Variants in ANO1 observed in about 807,000 individuals in gnomAD.
ANO1 encodes the protein anoctamin-1.
A neutral mutation model predicts 124.0 loss-of-function variants in ANO1; 59 were observed. The observed-to-expected ratio is 0.48, with a 90% CI of 0.39 to 0.59. The LOEUF is 0.59. Ranked by LOEUF, ANO1 falls within the 20% of genes least tolerant of loss-of-function variation. ANO1 has a pLI of 0.00. For synonymous variants in ANO1, 529 were observed against 532.0 expected (o/e 0.99, Z 0.08); for missense variants, 1,059 against 1,328.0 (o/e 0.80, Z 3.15).
rs1214993626 is a variant in ANO1, at chr11:70,052,521, T to TTTTTC, written c.59-26011_59-26007dup. 1.2e-3 allele frequency among the ~76,000 whole-genome samples: 142 copies of TTTTTC among 122,404 alleles called. 1 individual carries two copies. Among genetic ancestry groups the TTTTTC allele is most frequent in the Non-Finnish European group, 1.7e-3 (96 of 56,102 alleles). The allele number at this position is 122,404 out of a possible 152,430, so 80.3% of individuals were successfully genotyped here. A position where few individuals can be genotyped will look rare whatever the true frequency, so the allele number is the denominator to read the frequency against. On this transcript the variant is annotated intron_variant, in intron 1 of 27. Coordinates refer to the ANO1 transcript ENST00000531349. ...TCAAGACCAATTTGGGGAGAATTTC[T>TTTTTC]TTTTCTTTTCTTTTTTTTTTTTTTT...
chr11:70,071,193 G>A (rs1291540135), intron 1 of ANO1, among the ~76,000 whole-genome samples: 4 of 152,222 alleles, frequency 2.6e-5, no homozygotes, highest in African/African-American at 7.2e-5. Flanking sequence ...GGAATGTGCT[G>A]TGATTGGCCT....
chr11:69,999,636 G>A (rs1466896054), intron 1 of ANO1, among the ~76,000 whole-genome samples: 3 of 152,110 alleles, frequency 2.0e-5, no homozygotes, highest in Admixed American at 6.6e-5. Context: ...TAACATAAAC[G>A]CCAGGGGAAA....
At chr11:70,117,214 G>C (rs1224166891) in intron 8 of ANO1, among the ~76,000 whole-genome samples, 1 of 147,116 alleles carries the variant, frequency 6.8e-6, no homozygotes. Context: ...TGGATTACAG[G>C]TGCCTGCCAG....
At chr11:69,997,818 GC>G (rs1856300795) in intron 1 of ANO1, among the ~76,000 whole-genome samples, 1 of 152,094 alleles carries the variant, frequency 6.6e-6, no homozygotes, top group African/African-American at 2.4e-5. Context: ...TCCTGCTCCT[GC>G]CTGTGAGACG....
Position 70,052,531 on chromosome 11 carries a change from C to CTTTTTTTTTTTTTTTTTT in ANO1, c.59-25990_59-25973dup, listed in dbSNP as rs200770702. ...TTTGGGGAGAATTTCTTTTTCTTTT[C>CTTTTTTTTTTTTTTTTTT]TTTTTTTTTTTTTTTTTTTTTTTTT... is the stretch of plus-strand genomic sequence containing the variant. On this transcript the variant is annotated intron_variant, in intron 1 of 27. Coordinates refer to the ANO1 transcript ENST00000531349. 2.4e-4 allele frequency among the ~76,000 whole-genome samples: 16 copies of CTTTTTTTTTTTTTTTTTT among 65,908 alleles called. 1 individual carries two copies. The highest frequency in any genetic ancestry group is 5.2e-4 in the East Asian group (2 of 3,864). 43.2% of individuals were successfully genotyped at this position (65,908 alleles called of 152,430 possible). A position where few individuals can be genotyped will look rare whatever the true frequency, so the allele number is the denominator to read the frequency against.
At chr11:70,074,165 C>T (rs1006727587), upstream of ANO1, among the ~76,000 whole-genome samples, 4 of 152,264 alleles carry the variant, frequency 2.6e-5, no homozygotes, top group South Asian at 2.1e-4. Context: ...GGGAGTGGGA[C>T]GGGTGGCCAT....
chr11:70,151,814 T>A (rs1261821378), intron 12 of ANO1, among the ~76,000 whole-genome samples: 1 of 152,186 alleles, frequency 6.6e-6, no homozygotes, highest in Non-Finnish European at 1.5e-5. Flanking sequence ...AGAAGGACAC[T>A]TGTCTCCTAT....
chr11:70,163,003 C>A (rs2048117458), intron 18 of ANO1, among the ~76,000 whole-genome samples: 1 of 152,390 alleles, frequency 6.6e-6, no homozygotes, highest in South Asian at 2.1e-4. Flanking sequence ...TTGCCTTAAT[C>A]CCCTCCTGGG....
chr11:70,163,165 G>A, intron 18 of ANO1, 118 bp from the exon 19 acceptor site: 1 of 1,062,870 alleles, frequency 9.4e-7, no homozygotes, highest in Non-Finnish European at 1.4e-6. Context: ...GCCGCCTGTA[G>A]ATACCCTCGA....
chr11:69,982,463 C>T (rs1554996340), upstream of ANO1, among the ~76,000 whole-genome samples: 1 of 152,224 alleles, frequency 6.6e-6, no homozygotes, highest in Non-Finnish European at 1.5e-5. Flanking sequence ...GGAGCAGCCT[C>T]CACCTGCATT....
intron 11 of ANO1, among the ~76,000 whole-genome samples, chr11:70,145,080 G>C (rs2047311121): frequency 1.3e-5 from 2 of 152,214 alleles, no homozygotes; most frequent in Admixed American, 1.3e-4. Context: ...GAACTCGTGT[G>C]GGTGAGGAGG....
intron 1 of ANO1, among the ~76,000 whole-genome samples, chr11:70,024,206 C>T (rs1033029966): frequency 7.2e-5 from 11 of 152,208 alleles, no homozygotes; most frequent in Admixed American, 7.2e-4. Flanking sequence ...CCAAGGCTAT[C>T]TCTGACGGTC....
chr11:70,113,246 C>T (rs1476106223), intron 7 of ANO1, among the ~76,000 whole-genome samples: 1 of 152,138 alleles, frequency 6.6e-6, no homozygotes, highest in Non-Finnish European at 1.5e-5. Context: ...TGCAAAGACA[C>T]CACCGTCTGA....
rs1286304254 is a variant in ANO1 at position 70,153,113 on chromosome 11, G to T, written c.1410G>T (p.Glu470Asp). ...TCTTGGAGAAGTCTCTGAAGAAAGA[G>T]TCCAGAAACAAAGAGGTATGGTGGC... is the stretch of plus-strand genomic sequence containing the variant. ...ARVLEKSLKK[E>D]SRNKEKRRHI... The change falls in exon 14 of 26, where the codon GAG becomes GAT. Residue 470 changes from glutamate to aspartate, a missense_variant. This residue lies in a region of ANO1 where 809 missense variants were observed against 1,094.9 expected (regional missense o/e 0.74). Coordinates refer to ENST00000355303, the MANE Select transcript of ANO1 (RefSeq NM_018043.7). 4.4e-6 allele frequency: 7 copies of T among 1,605,848 alleles called. No individual in the cohort carries two copies. Among genetic ancestry groups the T allele is most frequent in the Non-Finnish European group, 5.1e-6 (6 of 1,176,122 alleles).
intron 22 of ANO1, among the ~76,000 whole-genome samples, chr11:70,175,333 T>TTTATGGGTTCCTTAA (rs2048652732): frequency 6.6e-6 from 1 of 152,270 alleles, no homozygotes; most frequent in African/African-American, 2.4e-5. Context: ...CACGAGTTTG[T>TTTATGGGTTCCTTAA]TTATGGGTTC....
At chr11:70,095,275 G>GGAAGGAAAGAAA (rs1555017281) in intron 2 of ANO1, among the ~76,000 whole-genome samples, 7 of 81,332 alleles carry the variant, frequency 8.6e-5, no homozygotes, top group African/African-American at 3.6e-4. Flanking sequence ...AAGGAAGGAA[G>GGAAGGAAAGAAA]GAAGGAAGGA....
intron 21 of ANO1, 100 bp from the exon 22 acceptor site, chr11:70,170,787 C>T (rs912779170): frequency 9.3e-5 from 134 of 1,441,162 alleles, no homozygotes; most frequent in Middle Eastern, 1.9e-4. Context: ...GGAGGTGGGG[C>T]GGCAGCCAGA....
chr11:70,111,777 C>T lies in ANO1; in HGVS notation c.855+15C>T, dbSNP rs573759538. ...CACTGCACGATGTAAGTAACCTTGA[C>T]ACACGATTTATCTCTGCGTCATTTG... On this transcript the variant is annotated intron_variant, in intron 7 of 25. Transcript: ENST00000355303. 3.1e-6 allele frequency: 5 copies of T among 1,613,800 alleles called. No homozygotes were observed. The Admixed American group carries it at 5.0e-5, about 16-fold the overall frequency.
intron 11 of ANO1, among the ~76,000 whole-genome samples, chr11:70,142,666 T>G (rs2047200285): frequency 6.6e-6 from 1 of 152,216 alleles, no homozygotes; most frequent in Non-Finnish European, 1.5e-5. Flanking sequence ...GGTGTCTTAG[T>G]CTGCTCCAGC....
Sources: allele counts gnomAD v4.1 joint callset (sites outside exome capture counted in the v4.1 genomes callset), GRCh38; gene constraint gnomAD v4.1.1; regional missense constraint gnomAD v4.1.1; transcripts MANE v1.5; gene names NCBI Gene and HGNC (gene_info 2026-07-23, HGNC 2026-07-21).